The following PCDH11X variants were observed in gnomAD, a reference collection of about 807,000 sequenced individuals.
The protein encoded by PCDH11X is protocadherin-11 X-linked.
A neutral mutation model predicts 53.3 loss-of-function variants in PCDH11X; 18 were observed. That is an observed-to-expected ratio of 0.34 (90% confidence interval 0.23 to 0.50). The LOEUF (loss-of-function observed/expected upper bound fraction) is 0.50. Ranked by LOEUF, PCDH11X falls within the 20% of genes least tolerant of loss-of-function variation. The pLI is 0.98. For missense variants in PCDH11X, 570 were observed against 1,032.4 expected (o/e 0.55, Z 6.14); for synonymous variants, 279 against 393.3 (o/e 0.71, Z 3.44).
rs377170163 is a variant in PCDH11X, at chrX:91,877,757, G to A, written c.1517G>A (p.Gly506Asp). The stretch of plus-strand genomic sequence containing the variant: ...AATGCTAAGATCAATTACCTGCTAG[G>A]CCCTGATGCTCCACCTGAATTCAGC... Reference protein sequence around the residue: ...GPNAKINYLLGPDAPPEFSLD... With the variant: ...GPNAKINYLLDPDAPPEFSLD... Residue 506 changes from glycine to aspartate, a missense_variant, in exon 6 of 11, where the codon GGC becomes GAC. This residue lies in a region of PCDH11X where 226 missense variants were observed against 457.5 expected (regional missense o/e 0.49). Transcript: ENST00000682573. The A allele has an allele frequency of 4.1e-6, 5 of 1,209,547 alleles. No homozygotes were observed. In the African/African-American group the frequency reaches 5.3e-5, roughly 13 times the overall value.
intron 6 of PCDH11X, among the ~76,000 whole-genome samples, chrX:91,944,017 C>A (rs1400118682): frequency 1.2e-5 from 1 of 81,268 alleles, no homozygotes; most frequent in Non-Finnish European, 2.4e-5. Flanking sequence ...AGCTGTATCT[C>A]CTGGATTGTG....
intron 1 of PCDH11X, among the ~76,000 whole-genome samples, chrX:91,788,074 G>A (rs1017448947): frequency 8.1e-5 from 9 of 111,607 alleles, no homozygotes; most frequent in Non-Finnish European, 1.5e-4. Flanking sequence ...GTGATAGCAT[G>A]AATTAATTTA....
At chrX:92,570,883 G>A (rs186133809) in intron 10 of PCDH11X, among the ~76,000 whole-genome samples, 168 of 109,379 alleles carry the variant, frequency 1.5e-3, no homozygotes, top group African/African-American at 5.3e-3. Flanking sequence ...ACATAGAAAC[G>A]GTATTATGGG....
intron 4 of PCDH11X, among the ~76,000 whole-genome samples, chrX:91,832,549 C>T (rs867483216): frequency 1.9e-5 from 2 of 103,406 alleles, no homozygotes; most frequent in African/African-American, 7.0e-5. Context: ...TGTTAAATGA[C>T]GAGTTAATGG....
At chrX:92,486,140 C>T (rs1175745658) in intron 10 of PCDH11X, among the ~76,000 whole-genome samples, 4 of 110,164 alleles carry the variant, frequency 3.6e-5, no homozygotes, top group Admixed American at 9.7e-5. Flanking sequence ...GTTAACTGGA[C>T]GGTGGAGGTG....
intron 8 of PCDH11X, among the ~76,000 whole-genome samples, chrX:92,356,347 T>C (rs1020522355): frequency 3.8e-5 from 4 of 105,653 alleles, no homozygotes; most frequent in African/African-American, 1.4e-4. Context: ...CAAATTTAGC[T>C]CTAATATGCC....
intron 6 of PCDH11X, among the ~76,000 whole-genome samples, chrX:91,907,442 G>GAGAGAGAGAGAGA (rs1569436527): frequency 1.1e-4 from 10 of 92,079 alleles, no homozygotes; most frequent in African/African-American, 2.4e-4. Context: ...GAGAGAGAGA[G>GAGAGAGAGAGAGA]GCTGACATAA....
chrX:92,462,850 T>C (rs976253188), intron 9 of PCDH11X, among the ~76,000 whole-genome samples: 2 of 108,792 alleles, frequency 1.8e-5, no homozygotes, highest in Non-Finnish European at 3.8e-5. Flanking sequence ...TTTGTTATCT[T>C]AAATATCCAA....
chrX:92,366,403 GTCTA>G (rs776951261), intron 8 of PCDH11X, among the ~76,000 whole-genome samples: 9 of 110,480 alleles, frequency 8.1e-5, no homozygotes, highest in Non-Finnish European at 1.3e-4. Flanking sequence ...CTAGCTAGCA[GTCTA>G]TCTGTTTTTT....
At chrX:92,126,396 A>C (rs1337813258) in intron 6 of PCDH11X, among the ~76,000 whole-genome samples, 1 of 111,000 alleles carries the variant, frequency 9.0e-6, no homozygotes, top group Non-Finnish European at 1.9e-5. Context: ...GGATCACCTG[A>C]GGTTAGGAGT....
intron 8 of PCDH11X, among the ~76,000 whole-genome samples, chrX:92,329,701 A>C (rs1214316633): frequency 9.0e-6 from 1 of 111,422 alleles, no homozygotes; most frequent in South Asian, 3.7e-4. Flanking sequence ...GGAGGTTATT[A>C]TGTTAAGTGA....
intron 10 of PCDH11X, among the ~76,000 whole-genome samples, chrX:92,506,433 A>G (rs1158660123): frequency 1.0e-5 from 1 of 99,387 alleles, no homozygotes; most frequent in Admixed American, 1.1e-4. Flanking sequence ...TTTGTTGAGG[A>G]TTTTTTAATA....
chrX:92,393,062 C>G (rs2071167327), intron 9 of PCDH11X, among the ~76,000 whole-genome samples: 1 of 110,511 alleles, frequency 9.0e-6, no homozygotes, highest in Non-Finnish European at 1.9e-5. Context: ...CATGGGCTTT[C>G]TAATATTTCT....
chrX:92,571,123 T>C (rs1052307514), intron 10 of PCDH11X, among the ~76,000 whole-genome samples: 6 of 111,744 alleles, frequency 5.4e-5, no homozygotes, highest in Admixed American at 2.9e-4. Flanking sequence ...CTTTACTTTT[T>C]ATTCCTGGGC....
chrX:92,132,657 G>GTATATGTATATATATATATATA (rs2065009541), intron 6 of PCDH11X, among the ~76,000 whole-genome samples: 1 of 54,390 alleles, frequency 1.8e-5, no homozygotes, highest in Non-Finnish European at 3.3e-5. Flanking sequence ...ATATATATAT[G>GTATATGTATATATATATATATA]TATATATATA....
intron 6 of PCDH11X, among the ~76,000 whole-genome samples, chrX:91,890,971 G>A (rs1390639281): frequency 9.7e-6 from 1 of 103,625 alleles, no homozygotes; most frequent in East Asian, 3.2e-4. Context: ...ATTGGGCAAT[G>A]TATACAGTTT....
intron 6 of PCDH11X, among the ~76,000 whole-genome samples, chrX:92,118,299 C>T (rs1403057461): frequency 9.2e-6 from 1 of 108,160 alleles, no homozygotes; most frequent in African/African-American, 3.4e-5. Context: ...TTAAAGGCAG[C>T]AAAGTAAGAC....
intron 8 of PCDH11X, among the ~76,000 whole-genome samples, chrX:92,379,137 G>A (rs6618999): frequency 0.12 from 13,543 of 111,978 alleles, 1,221 homozygotes; most frequent in East Asian, 0.63. Flanking sequence ...GAGGGGTGAG[G>A]GCCTCGCCCT....
intron 8 of PCDH11X, among the ~76,000 whole-genome samples, chrX:92,316,816 G>A (rs1014208215): frequency 6.4e-5 from 7 of 110,098 alleles, no homozygotes; most frequent in Admixed American, 9.7e-5. Flanking sequence ...GAAACTTCTC[G>A]CCCTGCATCT....
Sources: gnomAD v4.1 joint callset for allele counts (sites outside exome capture counted in the v4.1 genomes callset) on GRCh38, gnomAD v4.1.1 for gene constraint, gnomAD v4.1.1 regional missense constraint, MANE v1.5 for transcripts, NCBI Gene and HGNC (gene_info 2026-07-23, HGNC 2026-07-21) for gene names.